Variants in KLHL2 observed in about 807,000 individuals in gnomAD.
KLHL2 encodes kelch-like protein 2.
Under a neutral mutation model 75.8 loss-of-function variants are expected in KLHL2, and 15 were observed. The ratio of observed to expected loss-of-function variants is 0.20; its 90% CI spans 0.13 to 0.30. The LOEUF (loss-of-function observed/expected upper bound fraction) is 0.30, where lower values mean the gene tolerates loss of function less well. Ranked by LOEUF, KLHL2 falls within the 10% of genes least tolerant of loss-of-function variation. The pLI, the probability that KLHL2 is intolerant of heterozygous loss-of-function variation, is 1.00. For missense variants in KLHL2, 381 were observed against 741.0 expected (o/e 0.51, Z 5.64); for synonymous variants, 214 against 251.9 (o/e 0.85, Z 1.42).
intron 5 of KLHL2, among the ~76,000 whole-genome samples, chr4:165,274,715 G>A (rs1225270809): frequency 1.3e-5 from 2 of 152,130 alleles, no homozygotes; most frequent in Non-Finnish European, 2.9e-5. Context: ...TTGGAAACAA[G>A]CTTTCTAGAA....
intron 9 of KLHL2, among the ~76,000 whole-genome samples, chr4:165,306,074 C>A (rs1745706570): frequency 6.6e-6 from 1 of 152,152 alleles, no homozygotes; most frequent in Admixed American, 6.5e-5. Context: ...CTGTTAAGTC[C>A]CTCAGTTATA....
intron 5 of KLHL2, among the ~76,000 whole-genome samples, chr4:165,268,887 C>T (rs938996827): frequency 9.9e-5 from 15 of 152,192 alleles, no homozygotes; most frequent in East Asian, 5.8e-4. Context: ...CCTTCTGTCT[C>T]GTTGATCTGT....
intron 5 of KLHL2, chr4:165,277,778 C>T: frequency 5.1e-6 from 3 of 583,904 alleles, no homozygotes; most frequent in Admixed American, 5.5e-5. Flanking sequence ...CACACACACA[C>T]ACACACACCA....
At chr4:165,212,011 C>G (rs1404350905) in intron 1 of KLHL2, among the ~76,000 whole-genome samples, 1 of 152,156 alleles carries the variant, frequency 6.6e-6, no homozygotes. Flanking sequence ...TTCTTAAGAT[C>G]AGGCAGGTTT....
At chr4:165,270,122 G>A (rs1323496445) in intron 5 of KLHL2, among the ~76,000 whole-genome samples, 6 of 152,022 alleles carry the variant, frequency 3.9e-5, no homozygotes, top group Admixed American at 1.3e-4. Context: ...GGCTATTGAC[G>A]CTTGTGCATG....
chr4:165,214,970 A>G (rs956806951), intron 1 of KLHL2, among the ~76,000 whole-genome samples: 1 of 152,128 alleles, frequency 6.6e-6, no homozygotes, highest in Admixed American at 6.5e-5. Flanking sequence ...GATACCTCAT[A>G]TTCAGTTCTA....
chr4:165,226,214 G>A (rs1471018128), intron 2 of KLHL2, among the ~76,000 whole-genome samples: 1 of 152,210 alleles, frequency 6.6e-6, no homozygotes, highest in Non-Finnish European at 1.5e-5. Context: ...ATTCTAGAGA[G>A]ACCATGCATG....
rs770106976 is a variant in KLHL2 at position 165,260,774 on chromosome 4, T to C, written c.382-2423T>C. Among the ~76,000 whole-genome samples the C allele has an allele frequency of 3.3e-5, 5 of 152,260 alleles. No homozygotes were observed. The East Asian group carries it at 5.8e-4, about 18-fold the overall frequency. On this transcript the variant is annotated intron_variant, in intron 4 of 14. Transcript: ENST00000226725. ...TTTTTCTAACTTCTATTAGCCACAA[T>C]AATGCTGTAATGAATATCTTGTGCA...
At chr4:165,257,591 G>A (rs983951390) in intron 4 of KLHL2, among the ~76,000 whole-genome samples, 1 of 152,196 alleles carries the variant, frequency 6.6e-6, no homozygotes, top group Non-Finnish European at 1.5e-5. Flanking sequence ...GGTGGGTTGG[G>A]CAAGAAGTAA....
intron 5 of KLHL2, among the ~76,000 whole-genome samples, chr4:165,273,068 G>A (rs1244071983): frequency 6.6e-6 from 1 of 152,144 alleles, no homozygotes; most frequent in Non-Finnish European, 1.5e-5. Flanking sequence ...ATGAAAAATT[G>A]CAAGCATGTA....
At chr4:165,249,148 T>A (rs985199525) in intron 4 of KLHL2, among the ~76,000 whole-genome samples, 5 of 152,202 alleles carry the variant, frequency 3.3e-5, no homozygotes, top group African/African-American at 9.6e-5. Context: ...CTTGAGATGG[T>A]GAGCAATGAA....
In KLHL2 at chr4:165,321,582, T is replaced by C. The variant is rs543567984; in HGVS notation, c.1754-450T>C. 2.6e-5 allele frequency among the ~76,000 whole-genome samples: 4 copies of C among 152,330 alleles called. No homozygotes were observed. The South Asian group carries it at 8.3e-4, about 32-fold the overall frequency. On this transcript the variant is annotated intron_variant, in intron 14 of 14. Coordinates refer to ENST00000226725, the MANE Select transcript of KLHL2 (RefSeq NM_007246.4). ...TAAATTATGCGGGAGTAAAAAATTA[T>C]ACATGGGTTTTTGACTGCGTGGAGG...
intron 4 of KLHL2, among the ~76,000 whole-genome samples, chr4:165,259,197 G>T (rs1013300454): frequency 5.9e-5 from 9 of 151,972 alleles, no homozygotes; most frequent in African/African-American, 1.9e-4. Flanking sequence ...CCGCCTCCTG[G>T]GTTCAAGCAA....
intron 3 of KLHL2, among the ~76,000 whole-genome samples, chr4:165,235,626 C>T (rs575917495): frequency 6.6e-6 from 1 of 152,178 alleles, no homozygotes; most frequent in Non-Finnish European, 1.5e-5. Context: ...AGAAAGGCTT[C>T]ATCCCTGTTC....
intron 2 of KLHL2, among the ~76,000 whole-genome samples, 170 bp from the exon 3 acceptor site, chr4:165,228,637 A>G (rs994191700): frequency 7.9e-5 from 12 of 152,160 alleles, no homozygotes; most frequent in Non-Finnish European, 1.8e-4. Context: ...CCTTTATCCC[A>G]GCTGTTTTCT....
At chr4:165,211,424 C>A (rs917391316) in intron 1 of KLHL2, among the ~76,000 whole-genome samples, 4 of 152,210 alleles carry the variant, frequency 2.6e-5, no homozygotes, top group African/African-American at 9.6e-5. Flanking sequence ...AAAAAGTTCA[C>A]TGAAGCCTGA....
At chr4:165,320,503 G>T (rs1219286057) in intron 14 of KLHL2, among the ~76,000 whole-genome samples, 1 of 152,030 alleles carries the variant, frequency 6.6e-6, no homozygotes, top group Non-Finnish European at 1.5e-5. Flanking sequence ...GCATAGAAGT[G>T]GTCTACTTGC....
chr4:165,263,778 G>A (rs1254813483), intron 5 of KLHL2, among the ~76,000 whole-genome samples: 1 of 129,872 alleles, frequency 7.7e-6, no homozygotes, highest in African/African-American at 2.8e-5. Flanking sequence ...TGCATGTGAA[G>A]TTATTTTAGC....
intron 5 of KLHL2, among the ~76,000 whole-genome samples, chr4:165,288,187 A>G (rs1744229834): frequency 6.6e-6 from 1 of 152,138 alleles, no homozygotes; most frequent in Admixed American, 6.5e-5. Flanking sequence ...TGTATGGCGT[A>G]TATGATCCAC....
Sources: gnomAD v4.1 joint callset for allele counts (sites outside exome capture counted in the v4.1 genomes callset) on GRCh38, gnomAD v4.1.1 for gene constraint, MANE v1.5 for transcripts, NCBI Gene and HGNC (gene_info 2026-07-23, HGNC 2026-07-21) for gene names.